Variants in TBL1XR1 observed in about 807,000 individuals in gnomAD.
TBL1XR1 encodes TBL1X/Y related 1.
TBL1XR1 carries 5 observed loss-of-function variants against 66.9 expected under a neutral mutation model. The ratio of observed to expected loss-of-function variants is 0.07; its 90% CI spans 0.04 to 0.16. TBL1XR1 has a LOEUF of 0.16. TBL1XR1 is among the 10% of genes least tolerant of loss of function. TBL1XR1 has a pLI of 1.00. For synonymous variants in TBL1XR1, 210 were observed against 206.0 expected (o/e 1.02, Z -0.17); for missense variants, 238 against 623.2 (o/e 0.38, Z 6.58).
chr3:177,166,856 G>A (rs1245181639), intron 1 of TBL1XR1, among the ~76,000 whole-genome samples: 1 of 152,176 alleles, frequency 6.6e-6, no homozygotes, highest in Non-Finnish European at 1.5e-5. Flanking sequence ...ACCAAATGCT[G>A]GTGAAGATGT....
intron 1 of TBL1XR1, among the ~76,000 whole-genome samples, chr3:177,138,465 T>A (rs1355752446): frequency 8.6e-5 from 13 of 152,014 alleles, no homozygotes; most frequent in Non-Finnish European, 1.9e-4. Flanking sequence ...GGTGGCACAC[T>A]CCTGTGATCC....
At chr3:177,178,537 T>C (rs960074757) in intron 1 of TBL1XR1, among the ~76,000 whole-genome samples, 4 of 152,110 alleles carry the variant, frequency 2.6e-5, no homozygotes, top group African/African-American at 9.7e-5. Flanking sequence ...ATGTTTAATA[T>C]TAAGTTCCTA....
At chr3:177,130,403 C>T (rs1382541441) in intron 1 of TBL1XR1, among the ~76,000 whole-genome samples, 2 of 152,116 alleles carry the variant, frequency 1.3e-5, no homozygotes, top group African/African-American at 2.4e-5. Flanking sequence ...AAACAAGAAA[C>T]TCTTCAGATA....
chr3:177,038,045 G>A, intron 12 of TBL1XR1, 53 bp downstream of exon 12: 1 of 1,530,346 alleles, frequency 6.5e-7, no homozygotes, highest in Non-Finnish European at 9.0e-7. Context: ...AATGGCCAGA[G>A]CAACCATACT....
intron 2 of TBL1XR1, among the ~76,000 whole-genome samples, chr3:177,085,889 C>T (rs1296662574): frequency 1.3e-5 from 2 of 152,076 alleles, no homozygotes; most frequent in Non-Finnish European, 2.9e-5. Flanking sequence ...CTGTGTTACA[C>T]AAAATTTAAA....
At chr3:177,064,055 C>T (rs954617501) in intron 3 of TBL1XR1, among the ~76,000 whole-genome samples, 3 of 152,200 alleles carry the variant, frequency 2.0e-5, no homozygotes, top group Non-Finnish European at 2.9e-5. Context: ...CAATATTCTA[C>T]AAGCTTAGAC....
At chr3:177,092,051 C>T (rs1024095251) in intron 2 of TBL1XR1, among the ~76,000 whole-genome samples, 3 of 152,142 alleles carry the variant, frequency 2.0e-5, no homozygotes, top group East Asian at 1.9e-4. Context: ...TTATCTAAAA[C>T]GATTGGGACT....
chr3:177,092,855 C>A (rs1387089525), intron 2 of TBL1XR1, among the ~76,000 whole-genome samples: 1 of 152,078 alleles, frequency 6.6e-6, no homozygotes, highest in African/African-American at 2.4e-5. Flanking sequence ...CAGGACTATT[C>A]ATAACAGCCA....
At chr3:177,097,009 T>C (rs1577154447) in intron 2 of TBL1XR1, among the ~76,000 whole-genome samples, 1 of 152,156 alleles carries the variant, frequency 6.6e-6, no homozygotes, top group South Asian at 2.1e-4. Flanking sequence ...TCAACCTTTT[T>C]TCCCCAATAG....
Position 177,022,829 on chromosome 3 carries a change from T to C in TBL1XR1, c.*2669A>G, listed in dbSNP as rs1712555418. ...AGCATCGTGGCACATCAGCAGGCAATGATGATGTTGAGAACAGCAGCAAAA... is the reference window on the plus strand; with the variant it reads ...AGCATCGTGGCACATCAGCAGGCAACGATGATGTTGAGAACAGCAGCAAAA... On this transcript the variant is annotated 3_prime_UTR_variant, in exon 16 of 16. Transcript: ENST00000457928. The C allele has an allele frequency of 6.6e-6, 1 of 152,422 alleles. No individual in the cohort carries two copies. Among genetic ancestry groups the C allele is most frequent in the Admixed American group, 6.6e-5 (1 of 15,234 alleles). The allele number at this position is 152,422 out of a possible 1,614,324, so 9.4% of individuals were successfully genotyped here.
chr3:177,176,619 C>A (rs904527381), intron 1 of TBL1XR1, among the ~76,000 whole-genome samples: 2 of 151,614 alleles, frequency 1.3e-5, no homozygotes, highest in Non-Finnish European at 2.9e-5. Flanking sequence ...TCGAGACCAG[C>A]CCGGCCAACA....
chr3:177,198,826 CCAT>C (rs1478965716), upstream of TBL1XR1, among the ~76,000 whole-genome samples: 1 of 151,574 alleles, frequency 6.6e-6, no homozygotes, highest in Non-Finnish European at 1.5e-5. Context: ...TTTAAAGCAA[CCAT>C]CATTTCCTCT....
chr3:177,166,172 A>G (rs1228073218), intron 1 of TBL1XR1, among the ~76,000 whole-genome samples: 14 of 152,186 alleles, frequency 9.2e-5, no homozygotes, highest in Non-Finnish European at 5.9e-5. Context: ...GGATTGGCTG[A>G]GCTCAGGAGT....
chr3:177,142,473 C>T (rs1048960707), intron 1 of TBL1XR1, among the ~76,000 whole-genome samples: 1 of 152,172 alleles, frequency 6.6e-6, no homozygotes, highest in African/African-American at 2.4e-5. Flanking sequence ...CAATGATAAA[C>T]TAACATGACA....
At position 177,047,306 on chromosome 3, in the gene TBL1XR1, T is replaced by C; in HGVS notation, c.858A>G (p.Val286=). Residue 286 remains valine (V), a synonymous_variant, in exon 9 of 16, where the codon GTA becomes GTG. Transcript: ENST00000457928. ...GAACTTAATGAGCTTTTACCTTGTC[T>C]ACTCCAGCACTTAGGATGAAATTTC... ...KKGNFILSAG[V]DKTTIIWDAH... 6.4e-7 allele frequency: 1 copy of C among 1,558,524 alleles called. No individual in the cohort carries two copies. Among genetic ancestry groups the C allele is most frequent in the Non-Finnish European group, 8.7e-7 (1 of 1,150,352 alleles).
Position 177,020,437 on chromosome 3 carries a change from T to TA in TBL1XR1, c.*5060dup, listed in dbSNP as rs1377632283. ...CTCCTGCAAGAAGTAATAAAAATAG[T>TA]AAAATTTGTAATTTTATTATGGGCT... On this transcript the variant is annotated 3_prime_UTR_variant, in exon 16 of 16. Coordinates refer to ENST00000457928, the MANE Select transcript of TBL1XR1 (RefSeq NM_024665.7). 6.6e-6 allele frequency: 1 copy of TA among 152,176 alleles called. No homozygotes were observed. Among genetic ancestry groups the TA allele is most frequent in the Non-Finnish European group, 1.5e-5 (1 of 68,010 alleles). The allele number at this position is 152,176 out of a possible 1,614,324, so 9.4% of individuals were successfully genotyped here. A position where few individuals can be genotyped will look rare whatever the true frequency, so the allele number is the denominator to read the frequency against.
Position 177,046,131 on chromosome 3 carries a change from G to A in TBL1XR1, c.923C>T (p.Ser308Leu), listed in dbSNP as rs1360065796. 6.5e-7 allele frequency: 1 copy of A among 1,536,034 alleles called. No individual in the cohort carries two copies. Reference protein sequence around the residue: ...GEAKQQFPFHSAPALDVDWQS... With the variant: ...GEAKQQFPFHLAPALDVDWQS... The stretch of plus-strand genomic sequence containing the variant: ...CACGTAAATTATAAGAAATTTACCT[G>A]AATGAAAAGGAAACTGTTGCTTGGC... The change falls in exon 10 of 16, where the codon TCA becomes TTA. Residue 308 changes from serine to leucine, a missense_variant and splice_region_variant. By Grantham distance (145) the Ser-to-Leu change is moderately radical (BLOSUM62 -2). This residue lies in a region of TBL1XR1 where 89 missense variants were observed against 220.2 expected (regional missense o/e 0.40). Coordinates refer to ENST00000457928, the MANE Select transcript of TBL1XR1 (RefSeq NM_024665.7).
At chr3:177,095,431 A>G (rs1194439628) in intron 2 of TBL1XR1, among the ~76,000 whole-genome samples, 2 of 152,200 alleles carry the variant, frequency 1.3e-5, no homozygotes, top group African/African-American at 4.8e-5. Flanking sequence ...TAATTACAAA[A>G]AAGTATTTAT....
At chr3:177,096,118 T>C (rs1357609049) in intron 2 of TBL1XR1, among the ~76,000 whole-genome samples, 1 of 152,058 alleles carries the variant, frequency 6.6e-6, no homozygotes, top group Non-Finnish European at 1.5e-5. Flanking sequence ...TCAGAGAAAA[T>C]AAATATGACA....
Sources: gnomAD v4.1 joint callset for allele counts (sites outside exome capture counted in the v4.1 genomes callset) on GRCh38, gnomAD v4.1.1 for gene constraint, gnomAD v4.1.1 regional missense constraint, MANE v1.5 for transcripts, NCBI Gene and HGNC (gene_info 2026-07-23, HGNC 2026-07-21) for gene names.